NOP58: variants seen among roughly 807,000 people sequenced by gnomAD.
NOP58 encodes the protein NOP58 ribonucleoprotein, also known as nucleolar protein 58.
In NOP58, 44 loss-of-function variants were observed where a neutral mutation model predicts 71.2. That is an observed-to-expected ratio of 0.62 (90% CI 0.49 to 0.79). NOP58 has a LOEUF of 0.79. NOP58 is among the 30% of genes least tolerant of loss of function. The pLI is 0.00. For synonymous variants in NOP58, 228 were observed against 200.3 expected (o/e 1.14, Z -1.17); for missense variants, 538 against 620.2 (o/e 0.87, Z 1.41).
rs193066437 is a variant in NOP58, at chr2:202,298,520, C to T, written c.1268+614C>T. On this transcript the variant is annotated intron_variant, in intron 12 of 14. Coordinates refer to ENST00000264279, the MANE Select transcript of NOP58 (RefSeq NM_015934.5). ...ACAAAAAATTAACTGGGTGTGGTGG[C>T]GGGCACCTGGCTGAGGCAGGAGAAT... Among the ~76,000 whole-genome samples, 17 of 151,854 alleles carry T rather than the reference C, an allele frequency of 1.1e-4. No homozygotes were observed. In the East Asian group the frequency reaches 2.3e-3, roughly 21 times the overall value.
At chr2:202,290,483 G>A in intron 7 of NOP58, 26 bp downstream of exon 7, 1 of 1,578,528 alleles carries the variant, frequency 6.3e-7, no homozygotes, top group Non-Finnish European at 8.6e-7. Flanking sequence ...ATCCTTTAAG[G>A]CATTGAAAGT....
chr2:202,281,064 C>CA (rs1688693070), intron 3 of NOP58, among the ~76,000 whole-genome samples: 1 of 151,918 alleles, frequency 6.6e-6, no homozygotes, highest in African/African-American at 2.4e-5. Flanking sequence ...TTATTAAGCA[C>CA]AAACTGCCTG....
intron 2 of NOP58, among the ~76,000 whole-genome samples, chr2:202,277,058 C>T (rs931455355): frequency 9.9e-5 from 15 of 152,154 alleles, no homozygotes; most frequent in Non-Finnish European, 7.4e-5. Flanking sequence ...GAGGCCAAGG[C>T]GGGCGGATGA....
intron 1 of NOP58, among the ~76,000 whole-genome samples, chr2:202,269,361 A>G (rs1432796235): frequency 7.0e-6 from 1 of 142,542 alleles, no homozygotes; most frequent in African/African-American, 2.6e-5. Context: ...TTTTTTTAAG[A>G]GGCAGAGTCT....
intron 4 of NOP58, among the ~76,000 whole-genome samples, chr2:202,284,058 G>T (rs1271951127): frequency 1.3e-5 from 2 of 151,986 alleles, no homozygotes; most frequent in Admixed American, 6.5e-5. Context: ...GAGGCGGGCG[G>T]ATCACTTGAG....
intron 1 of NOP58, among the ~76,000 whole-genome samples, chr2:202,272,655 G>A (rs1367605219): frequency 6.6e-6 from 1 of 152,152 alleles, no homozygotes; most frequent in African/African-American, 2.4e-5. Flanking sequence ...TGACTATACT[G>A]AAAACACTGA....
chr2:202,299,680 T>C (rs1419257538), intron 12 of NOP58, among the ~76,000 whole-genome samples: 1 of 152,198 alleles, frequency 6.6e-6, no homozygotes, highest in Non-Finnish European at 1.5e-5. Flanking sequence ...ATTCACATTT[T>C]AGGCACTCAT....
chr2:202,282,433 G>T lies in NOP58; in HGVS notation c.258G>T (p.Pro86=). ...AAATAGTAAAAGAAGCCCATGAACCGCTGGCAGTAGCTGATGCTAAACTAG... is the reference window on the plus strand; with the variant it reads ...AAATAGTAAAAGAAGCCCATGAACCTCTGGCAGTAGCTGATGCTAAACTAG... The part of the protein sequence containing the change: ...LKKIVKEAHE[P]LAVADAKLGG... Residue 86 remains proline, a synonymous_variant, in exon 4 of 15, where the codon CCG becomes CCT. Coordinates refer to ENST00000264279, the MANE Select transcript of NOP58 (RefSeq NM_015934.5). The T allele has an allele frequency of 3.1e-6, 5 of 1,611,796 alleles. No individual in the cohort carries two copies. Among genetic ancestry groups the T allele is most frequent in the Non-Finnish European group, 4.2e-6 (5 of 1,179,476 alleles).
chr2:202,274,400 ATTTTTTTTTTTTT>A (rs1173477305), intron 1 of NOP58, among the ~76,000 whole-genome samples: 1 of 104,682 alleles, frequency 9.6e-6, no homozygotes, highest in Non-Finnish European at 1.9e-5. Context: ...CTAATTTTGT[ATTTTTTTTTTTTT>A]TTTTTTTTTG....
At chr2:202,290,146 G>C (rs1688861370) in intron 6 of NOP58, among the ~76,000 whole-genome samples, 177 bp from the exon 7 acceptor site, 1 of 151,970 alleles carries the variant, frequency 6.6e-6, no homozygotes, top group South Asian at 2.1e-4. Context: ...AATAGAGATG[G>C]GGTTTCACCA....
At chr2:202,276,793 G>A (rs2105840521) in intron 2 of NOP58, among the ~76,000 whole-genome samples, 1 of 152,238 alleles carries the variant, frequency 6.6e-6, no homozygotes, top group East Asian at 1.9e-4. Context: ...AGCTGTGATT[G>A]CACCACTGCA....
At chr2:202,287,460 G>GT (rs374764253) in intron 5 of NOP58, among the ~76,000 whole-genome samples, 200 bp from the exon 6 acceptor site, 12,742 of 145,362 alleles carry the variant, frequency 0.088, 651 homozygotes, top group Non-Finnish European at 0.12. Flanking sequence ...AGCACATATA[G>GT]TTTTTTTTTT....
At chr2:202,271,593 A>T (rs1688512801) in intron 1 of NOP58, among the ~76,000 whole-genome samples, 1 of 151,948 alleles carries the variant, frequency 6.6e-6, no homozygotes, top group South Asian at 2.1e-4. Context: ...AAAGAATAGC[A>T]TGTTAAATTT....
At chr2:202,291,821 A>AC (rs1688904750) in intron 8 of NOP58, among the ~76,000 whole-genome samples, 1 of 150,486 alleles carries the variant, frequency 6.6e-6, no homozygotes, top group Admixed American at 6.6e-5. Flanking sequence ...AAAAAAAAAA[A>AC]AAAAAAAAGG....
intron 3 of NOP58, among the ~76,000 whole-genome samples, chr2:202,278,923 A>G (rs1393394899): frequency 6.6e-6 from 1 of 152,204 alleles, no homozygotes; most frequent in Non-Finnish European, 1.5e-5. Flanking sequence ...GGCTGAAGGA[A>G]GACCCATAGG....
intron 1 of NOP58, among the ~76,000 whole-genome samples, chr2:202,268,605 G>GTATTTTGT (rs1485123199): frequency 6.6e-6 from 1 of 151,326 alleles, no homozygotes; most frequent in Non-Finnish European, 1.5e-5. Flanking sequence ...GTTTTTTGAA[G>GTATTTTGT]TTTTTTGTTT....
chr2:202,299,404 T>C (rs1163536463), intron 12 of NOP58, among the ~76,000 whole-genome samples: 1 of 152,208 alleles, frequency 6.6e-6, no homozygotes, highest in Non-Finnish European at 1.5e-5. Flanking sequence ...GCATTCACAT[T>C]TTCTTTTTTG....
chr2:202,291,121 A>G lies in NOP58; in HGVS notation c.635-4A>G. On this transcript the variant is annotated splice_polypyrimidine_tract_variant and splice_region_variant and intron_variant, in intron 7 of 14. Coordinates refer to ENST00000264279, the MANE Select transcript of NOP58 (RefSeq NM_015934.5). ...CTCCCTCATCCTCTGCAAACATTCC[A>G]TAGGCGATAGGAAGAACTATGCCTC... 3.8e-6 allele frequency: 6 copies of G among 1,595,212 alleles called. No homozygotes were observed. The highest frequency in any genetic ancestry group is 5.1e-6 in the Non-Finnish European group (6 of 1,174,536).
intron 2 of NOP58, among the ~76,000 whole-genome samples, chr2:202,276,203 T>C (rs900110040): frequency 6.6e-6 from 1 of 151,854 alleles, no homozygotes; most frequent in African/African-American, 2.4e-5. Context: ...CCGGGCGTGG[T>C]GGCACATGCC....
Sources: gnomAD v4.1 joint callset for allele counts (sites outside exome capture counted in the v4.1 genomes callset) on GRCh38, gnomAD v4.1.1 for gene constraint, MANE v1.5 for transcripts, NCBI Gene and HGNC (gene_info 2026-07-23, HGNC 2026-07-21) for gene names.